The following SNW1 variants were observed in gnomAD, a reference collection of about 807,000 sequenced individuals.
SNW1 encodes SNW domain containing 1.
Under a neutral mutation model 75.6 loss-of-function variants are expected in SNW1, and 9 were observed. The observed-to-expected ratio is 0.12, with a 90% confidence interval of 0.07 to 0.21. The LOEUF (loss-of-function observed/expected upper bound fraction) is 0.21. Among genes scored for constraint, SNW1 ranks in the 10% least tolerant of loss-of-function variants. The pLI is 1.00. For missense variants in SNW1, 409 were observed against 670.9 expected (o/e 0.61, Z 4.31); for synonymous variants, 200 against 219.1 (o/e 0.91, Z 0.77).
chr14:77,741,949 C>T (rs1023479666), intron 3 of SNW1, among the ~76,000 whole-genome samples: 1 of 152,032 alleles, frequency 6.6e-6, no homozygotes, highest in African/African-American at 2.4e-5. Context: ...AAATGAGCAT[C>T]AATAAGATTC....
At position 77,717,797 on chromosome 14, in the gene SNW1, A is replaced by G; in HGVS notation, c.*291T>C. 1.7e-6 allele frequency: 1 copy of G among 586,988 alleles called. No individual in the cohort carries two copies. The highest frequency in any genetic ancestry group is 3.0e-6 in the Non-Finnish European group (1 of 333,876). 36.4% of individuals were successfully genotyped at this position (586,988 alleles called of 1,614,324 possible). Reference sequence around the variant, plus strand: ...TGTTCTTACACAAAACATTAACCCCAAACTACTAGTGTCACATAAAAGTAA... The same window carrying G: ...TGTTCTTACACAAAACATTAACCCCGAACTACTAGTGTCACATAAAAGTAA... On this transcript the variant is annotated 3_prime_UTR_variant, in exon 14 of 14. Transcript: ENST00000261531.
intron 10 of SNW1, among the ~76,000 whole-genome samples, chr14:77,724,177 T>C (rs959953355): frequency 6.6e-6 from 1 of 152,186 alleles, no homozygotes; most frequent in African/African-American, 2.4e-5. Context: ...AATTTATCAA[T>C]GTTAATTGCT....
Position 77,718,384 on chromosome 14 carries a change from G to A in SNW1, c.1395C>T (p.Ala465=), listed in dbSNP as rs539777360. The A allele has an allele frequency of 7.4e-6, 12 of 1,613,986 alleles. No individual in the cohort carries two copies. The highest frequency in any genetic ancestry group is 2.2e-5 in the East Asian group (1 of 44,886). The part of the protein sequence containing the change: ...DKDMYGDDLE[A]RIKTNRFVPD... Reference sequence around the variant, plus strand: ...CTTGGCACCTGTTGGTCTTTATTCTGGCTTCTAGGTCATCACCATACATGT... The same window carrying A: ...CTTGGCACCTGTTGGTCTTTATTCTAGCTTCTAGGTCATCACCATACATGT... Residue 465 remains alanine (A), a synonymous_variant, in exon 13 of 14, where the codon GCC becomes GCT. Coordinates refer to ENST00000261531, the MANE Select transcript of SNW1 (RefSeq NM_012245.3).
chr14:77,726,808 C>T (rs1299286980), intron 10 of SNW1, among the ~76,000 whole-genome samples: 4 of 151,316 alleles, frequency 2.6e-5, no homozygotes, highest in Admixed American at 6.6e-5. Flanking sequence ...GAGTGAGACT[C>T]CGTCTCAAAA....
At position 77,761,107 on chromosome 14, in the gene SNW1, A is replaced by G. The variant is rs749834952; in HGVS notation, c.14+7T>C. ...TTCCGTATCGAGGACCCCAATCAAC[A>G]ACCCACCTGGTGAGCGCCATCTTCT... is the stretch of plus-strand genomic sequence containing the variant. On this transcript the variant is annotated splice_region_variant and intron_variant, in intron 1 of 13. Coordinates refer to ENST00000261531, the MANE Select transcript of SNW1 (RefSeq NM_012245.3). The G allele has an allele frequency of 3.1e-6, 5 of 1,614,040 alleles. No homozygotes were observed. The highest frequency in any genetic ancestry group is 4.2e-6 in the Non-Finnish European group (5 of 1,180,046).
intron 8 of SNW1, among the ~76,000 whole-genome samples, chr14:77,734,321 ACTTT>A (rs1476533234): frequency 4.6e-5 from 7 of 152,250 alleles, no homozygotes; most frequent in East Asian, 1.9e-4. Flanking sequence ...ACATCAGTTT[ACTTT>A]CTTTTAGAAA....
intron 3 of SNW1, among the ~76,000 whole-genome samples, chr14:77,742,035 ATT>A (rs35732517): frequency 1.4e-5 from 2 of 143,746 alleles, no homozygotes; most frequent in East Asian, 2.0e-4. Flanking sequence ...AAAACCCCCC[ATT>A]TTTTTTTTTT....
At chr14:77,732,344 C>G (rs1021300098) in intron 9 of SNW1, 141 bp downstream of exon 9, 3 of 642,822 alleles carry the variant, frequency 4.7e-6, no homozygotes, top group African/African-American at 3.7e-5. Flanking sequence ...TGCCAACTAG[C>G]AGCTGCCATT....
intron 3 of SNW1, among the ~76,000 whole-genome samples, chr14:77,744,664 T>C (rs2080746812): frequency 6.6e-6 from 1 of 152,134 alleles, no homozygotes; most frequent in Admixed American, 6.5e-5. Flanking sequence ...AAACTCCTGC[T>C]TTCCAGTCTT....
At chr14:77,729,730 T>A (rs2080614131) in intron 10 of SNW1, among the ~76,000 whole-genome samples, 1 of 152,226 alleles carries the variant, frequency 6.6e-6, no homozygotes, top group South Asian at 2.1e-4. Context: ...GGTAAGTTAA[T>A]TAGCTTGGCA....
At chr14:77,761,074 C>T (rs372784851) in intron 1 of SNW1, 40 bp downstream of exon 1, 2 of 1,614,104 alleles carry the variant, frequency 1.2e-6, no homozygotes, top group African/African-American at 2.7e-5. Context: ...ACTGGTACTC[C>T]CAGACCCTTC....
chr14:77,723,424 A>G, intron 10 of SNW1, 147 bp from the exon 11 acceptor site: 1 of 630,972 alleles, frequency 1.6e-6, no homozygotes, highest in South Asian at 1.9e-5. Context: ...AACATGGTTC[A>G]CTGCAGCCAC....
intron 11 of SNW1, 123 bp downstream of exon 11, chr14:77,723,058 A>G: frequency 1.3e-6 from 1 of 746,758 alleles, no homozygotes; most frequent in Admixed American, 1.9e-5. Flanking sequence ...CGTGTTAGCC[A>G]GGATGGTCTC....
rs143009762 is a variant in SNW1, at chr14:77,733,121, G to A, written c.775-520C>T. 2.9e-3 allele frequency among the ~76,000 whole-genome samples: 448 copies of A among 152,222 alleles called. 1 individual carries two copies. The highest frequency in any genetic ancestry group is 8.1e-3 in the African/African-American group (338 of 41,524). On this transcript the variant is annotated intron_variant, in intron 8 of 13. Transcript: ENST00000261531. Reference sequence around the variant, plus strand: ...ACCTATGGTCTCATTTAACCTTCACGATAACTCTATAAAGCTTCTAACATT... The same window carrying A: ...ACCTATGGTCTCATTTAACCTTCACAATAACTCTATAAAGCTTCTAACATT...
chr14:77,735,833 A>C, intron 7 of SNW1, 104 bp downstream of exon 7: 2 of 721,744 alleles, frequency 2.8e-6, no homozygotes, highest in Non-Finnish European at 4.6e-6. Flanking sequence ...AAAAGAAACT[A>C]CAAGTCAGTG....
intron 12 of SNW1, among the ~76,000 whole-genome samples, chr14:77,719,758 A>G (rs1054995009): frequency 1.3e-5 from 2 of 152,258 alleles, no homozygotes; most frequent in African/African-American, 4.8e-5. Flanking sequence ...ATAAGAGATA[A>G]TAGTATTATT....
chr14:77,721,472 GC>G (rs2080540266), intron 11 of SNW1, among the ~76,000 whole-genome samples: 1 of 152,128 alleles, frequency 6.6e-6, no homozygotes, highest in Non-Finnish European at 1.5e-5. Flanking sequence ...CAATTTCACA[GC>G]TTTTCTATGT....
intron 3 of SNW1, among the ~76,000 whole-genome samples, chr14:77,749,710 T>A (rs1487086392): frequency 2.6e-5 from 4 of 152,058 alleles, no homozygotes; most frequent in African/African-American, 9.7e-5. Flanking sequence ...AAGGTTGCAA[T>A]GAATTATGAG....
chr14:77,728,796 T>C (rs1013578053), intron 10 of SNW1, among the ~76,000 whole-genome samples: 2 of 152,178 alleles, frequency 1.3e-5, no homozygotes, highest in Non-Finnish European at 1.5e-5. Context: ...ATAGTATCAC[T>C]ACATAGGGTT....
Sources: allele counts gnomAD v4.1 joint callset (sites outside exome capture counted in the v4.1 genomes callset), GRCh38; gene constraint gnomAD v4.1.1; transcripts MANE v1.5; gene names NCBI Gene and HGNC (gene_info 2026-07-23, HGNC 2026-07-21).